IRF8: variants seen among roughly 807,000 people sequenced by gnomAD.
IRF8 encodes interferon consensus sequence binding protein 1.
Under a neutral mutation model 48.7 loss-of-function variants are expected in IRF8, and 14 were observed. The ratio of observed to expected loss-of-function variants is 0.29; its 90% confidence interval spans 0.19 to 0.45. The LOEUF (loss-of-function observed/expected upper bound fraction) is 0.45, where lower values mean the gene tolerates loss of function less well. Among genes scored for constraint, IRF8 ranks in the 20% least tolerant of loss-of-function variants. IRF8 has a pLI of 1.00. For synonymous variants in IRF8, 278 were observed against 227.3 expected (o/e 1.22, Z -2.01); for missense variants, 493 against 580.7 (o/e 0.85, Z 1.55).
chr16:85,911,398 G>A (rs1395888898), intron 3 of IRF8, among the ~76,000 whole-genome samples, 172 bp from the exon 4 acceptor site: 1 of 152,170 alleles, frequency 6.6e-6, no homozygotes, highest in Admixed American at 6.5e-5. Flanking sequence ...TGACTTTGCT[G>A]ATCAGATGAC....
At chr16:85,920,809 G>C (rs1429668154) in intron 8 of IRF8, among the ~76,000 whole-genome samples, 1 of 152,138 alleles carries the variant, frequency 6.6e-6, no homozygotes, top group East Asian at 1.9e-4. Flanking sequence ...TACCTGTTCA[G>C]TTGCCCGAAG....
In IRF8 at chr16:85,921,290, G is replaced by A. The variant is rs762649380; in HGVS notation, c.*8G>A. 8 of 1,612,878 alleles carry A rather than the reference G, an allele frequency of 5.0e-6. No individual in the cohort carries two copies. The highest frequency in any genetic ancestry group is 1.6e-4 in the Middle Eastern group (1 of 6,084). On this transcript the variant is annotated 3_prime_UTR_variant, in exon 9 of 9. Transcript: ENST00000268638. ...CAACAGATCACCGTCTAAGTGCGTC[G>A]CTTGGGCGCCCCACCCCGTCTGCGT...
intron 6 of IRF8, among the ~76,000 whole-genome samples, chr16:85,918,041 G>A (rs9934701): frequency 0.22 from 34,111 of 152,104 alleles, 6,235 homozygotes; most frequent in East Asian, 0.54. Flanking sequence ...CAGTGCCCTT[G>A]GCAGTGCCTA....
At chr16:85,903,304 T>TA (rs376291987) in intron 2 of IRF8, 115 bp downstream of exon 2, 1 of 1,052,268 alleles carries the variant, frequency 9.5e-7, no homozygotes, top group Non-Finnish European at 1.4e-6. Flanking sequence ...TCCAGTTTTT[T>TA]AAAAGCAAAC....
intron 4 of IRF8, among the ~76,000 whole-genome samples, chr16:85,911,986 C>T (rs776513820): frequency 2.6e-4 from 39 of 152,364 alleles, no homozygotes; most frequent in Non-Finnish European, 4.0e-4. Context: ...TAAATGGCAT[C>T]GTGAATTCCC....
chr16:85,905,359 C>CGGG (rs202104886), intron 2 of IRF8, among the ~76,000 whole-genome samples: 2,676 of 152,224 alleles, frequency 0.018, 98 homozygotes, highest in African/African-American at 0.06. Context: ...AACTTGTGCT[C>CGGG]GGGGGGTAAT....
intron 3 of IRF8, among the ~76,000 whole-genome samples, chr16:85,910,336 C>T (rs991231586): frequency 1.3e-5 from 2 of 152,176 alleles, no homozygotes; most frequent in African/African-American, 4.8e-5. Context: ...TGAGCGTGAA[C>T]CCTAGTCAAT....
In IRF8 at chr16:85,918,724, C is replaced by T. The variant is rs749529672; in HGVS notation, c.909C>T (p.Ala303=). 1.4e-5 allele frequency: 23 copies of T among 1,612,542 alleles called. No individual in the cohort carries two copies. Among genetic ancestry groups the T allele is most frequent in the South Asian group, 5.5e-5 (5 of 91,088 alleles). The change falls in exon 7 of 9, where the codon GCC becomes GCT. Residue 303 remains alanine (A), a synonymous_variant. Coordinates refer to ENST00000268638, the MANE Select transcript of IRF8 (RefSeq NM_002163.4). ...GCCGCGTGTTCTGCAGCGGCAACGC[C>T]GTGGTGTGCAAAGGCAGGCCCAACA... ...CQGRVFCSGN[A]VVCKGRPNKL... is the part of the protein sequence containing the mutation.
intron 6 of IRF8, among the ~76,000 whole-genome samples, chr16:85,916,062 C>A (rs1053237296): frequency 6.6e-6 from 1 of 152,172 alleles, no homozygotes; most frequent in Non-Finnish European, 1.5e-5. Context: ...CTGTGTAGAC[C>A]ATAGTCTGTG....
chr16:85,905,819 G>A (rs1597250386), intron 2 of IRF8, among the ~76,000 whole-genome samples: 1 of 152,212 alleles, frequency 6.6e-6, no homozygotes, highest in African/African-American at 2.4e-5. Context: ...AGTTAAGAAA[G>A]AAATTTATGA....
intron 2 of IRF8, 35 bp downstream of exon 2, chr16:85,903,224 C>T (rs751021458): frequency 3.2e-6 from 5 of 1,576,294 alleles, no homozygotes; most frequent in Non-Finnish European, 4.3e-6. Flanking sequence ...ACTGTGGGCA[C>T]AGTGTCTCCT....
rs772871541 is a variant in IRF8, at chr16:85,914,525, G to C, written c.601+5G>C. The C allele has an allele frequency of 1.8e-5, 29 of 1,613,914 alleles. No homozygotes were observed. Among genetic ancestry groups the C allele is most frequent in the Non-Finnish European group, 1.9e-5 (22 of 1,180,004 alleles). ...CCTACGACGCGCACCATTCAGGTACGGGGTGGTCCGGGCTGAGAGGGGCGT... is the reference window on the plus strand; with the variant it reads ...CCTACGACGCGCACCATTCAGGTACCGGGTGGTCCGGGCTGAGAGGGGCGT... On this transcript the variant is annotated splice_donor_5th_base_variant and intron_variant, in intron 6 of 8. Coordinates refer to ENST00000268638, the MANE Select transcript of IRF8 (RefSeq NM_002163.4).
chr16:85,906,435 A>C (rs1024147146), intron 2 of IRF8, among the ~76,000 whole-genome samples: 1 of 152,184 alleles, frequency 6.6e-6, no homozygotes, highest in Non-Finnish European at 1.5e-5. Flanking sequence ...TGACCTTTTA[A>C]TGCTGGCCAG....
intron 7 of IRF8, 89 bp from the exon 8 acceptor site, chr16:85,920,020 G>A: frequency 1.1e-6 from 1 of 939,308 alleles, no homozygotes; most frequent in Non-Finnish European, 1.7e-6. Flanking sequence ...TACAAGCCCT[G>A]GGCCTCCTGA....
rs757883676 is a variant in IRF8 at position 85,918,778 on chromosome 16, C to G, written c.963C>G (p.Val321=). ...TGGAGCGTGATGAGGTGGTCCAGGT[C>G]TTCGACACCAGCCAGTTCTTCCGAG... ...NKLERDEVVQ[V]FDTSQFFREL... The change falls in exon 7 of 9, where the codon GTC becomes GTG. Residue 321 remains valine (V), a synonymous_variant. Coordinates refer to ENST00000268638, the MANE Select transcript of IRF8 (RefSeq NM_002163.4). 4 of 1,610,524 alleles carry G rather than the reference C, an allele frequency of 2.5e-6. No individual in the cohort carries two copies. The highest frequency in any genetic ancestry group is 3.3e-5 in the Admixed American group (2 of 60,034).
intron 8 of IRF8, among the ~76,000 whole-genome samples, 198 bp from the exon 9 acceptor site, chr16:85,920,908 G>A (rs946349834): frequency 1.3e-5 from 2 of 152,188 alleles, no homozygotes; most frequent in African/African-American, 4.8e-5. Context: ...GGTGCTGGCT[G>A]TCCCAGCTGG....
intron 4 of IRF8, among the ~76,000 whole-genome samples, chr16:85,911,924 G>T (rs1201157061): frequency 6.6e-6 from 1 of 152,228 alleles, no homozygotes; most frequent in African/African-American, 2.4e-5. Context: ...TTATGTGTCA[G>T]TGAAGTTCCT....
chr16:85,909,848 G>A (rs1211983881), intron 3 of IRF8: 1 of 152,704 alleles, frequency 6.5e-6, no homozygotes, highest in Non-Finnish European at 1.5e-5. Context: ...GCCATGAATT[G>A]TAGCTGATTT....
At position 85,908,971 on chromosome 16, in the gene IRF8, C is replaced by A; in HGVS notation, c.175-19C>A. On this transcript the variant is annotated intron_variant, in intron 2 of 8. Transcript: ENST00000268638. ...TGGAGTCGGCCATGAATTTAATGTGCTTCTGTTTCTTTCTTCAGGCCTGGG... is the reference window on the plus strand; with the variant it reads ...TGGAGTCGGCCATGAATTTAATGTGATTCTGTTTCTTTCTTCAGGCCTGGG... The A allele has an allele frequency of 6.2e-7, 1 of 1,610,498 alleles. No individual in the cohort carries two copies. The highest frequency in any genetic ancestry group is 8.5e-7 in the Non-Finnish European group (1 of 1,176,738).
Sources: gnomAD v4.1 joint callset for allele counts (sites outside exome capture counted in the v4.1 genomes callset) on GRCh38, gnomAD v4.1.1 for gene constraint, MANE v1.5 for transcripts, NCBI Gene and HGNC (gene_info 2026-07-23, HGNC 2026-07-21) for gene names.